TMIGD3: variants seen among roughly 807,000 people sequenced by gnomAD.
The protein encoded by TMIGD3 is transmembrane and immunoglobulin domain containing 3.
A neutral mutation model predicts 28.1 loss-of-function variants in TMIGD3; 21 were observed. The observed-to-expected ratio is 0.75, with a 90% CI of 0.53 to 1.08. The LOEUF is 1.08. Ranked by LOEUF, TMIGD3 falls within the 50% of genes least tolerant of loss-of-function variation. The pLI is 0.00. For missense variants in TMIGD3, 416 were observed against 435.6 expected, an observed-to-expected ratio of 0.96 and a Z score of 0.40; for synonymous variants, 151 against 162.1, an observed-to-expected ratio of 0.93 and a Z score of 0.52.
chr1:111,540,009 T>C (rs970547900), intron 1 of TMIGD3, among the ~76,000 whole-genome samples: 2 of 152,378 alleles, frequency 1.3e-5, no homozygotes, highest in East Asian at 1.9e-4. Context: ...CGATGCACCA[T>C]TACTTGAGAC....
chr1:111,542,563 A>T (rs1268750754), intron 1 of TMIGD3: 1 of 160,528 alleles, frequency 6.2e-6, no homozygotes, highest in East Asian at 1.8e-4. Context: ...AGCCAAAAGT[A>T]TGAATGCCCT....
chr1:111,527,194 TAG>T (rs1656296353), intron 1 of TMIGD3, among the ~76,000 whole-genome samples: 1 of 152,004 alleles, frequency 6.6e-6, no homozygotes, highest in African/African-American at 2.4e-5. Context: ...GTATTTTTAG[TAG>T]AGACAGGGTT....
At chr1:111,500,412 T>A (rs1324917527) in intron 1 of TMIGD3, 4 of 1,614,056 alleles carry the variant, frequency 2.5e-6, no homozygotes, top group Non-Finnish European at 3.4e-6. Flanking sequence ...CAAATTGGCA[T>A]GAAAGGAAGG....
Position 111,488,687 on chromosome 1 carries a change from C to A in TMIGD3, c.795G>T (p.Trp265Cys). 6.2e-7 allele frequency: 1 copy of A among 1,613,294 alleles called. No individual in the cohort carries two copies. Among genetic ancestry groups the A allele is most frequent in the Non-Finnish European group, 8.5e-7 (1 of 1,179,334 alleles). ...DDKGTLANDF[W>C]SGKDLSGNKT... ...AGGCAGGCTCCTTACCTTTCCCAGA[C>A]CAAAAGTCATTGGCCAGGGTTCCTT... The change falls in exon 3 of 6, where the codon TGG becomes TGT. Residue 265 changes from tryptophan to cysteine, a missense_variant. By Grantham distance (215) the Trp-to-Cys change is radical (BLOSUM62 -2). Transcript: ENST00000369716.
Position 111,490,752 on chromosome 1 carries a change from G to A in TMIGD3, c.361C>T (p.Pro121Ser), listed in dbSNP as rs1246004547. Residue 121 changes from proline to serine, a missense_variant, in exon 2 of 6, where the codon CCT becomes TCT. Pro to Ser is a moderately conservative substitution (Grantham distance 74, BLOSUM62 -1). Coordinates refer to ENST00000369716, the MANE Select transcript of TMIGD3 (RefSeq NM_020683.7). ...GATAGAATGCACCCAGGGAGCCCAGGAATTCTGAATCTGTTTAAGGGAAAC... is the reference window on the plus strand; with the variant it reads ...GATAGAATGCACCCAGGGAGCCCAGAAATTCTGAATCTGTTTAAGGGAAAC... ...RVKLTVRFRI[P>S]GLPGCILSFQ... 3 of 1,612,948 alleles carry A rather than the reference G, an allele frequency of 1.9e-6. No homozygotes were observed. The highest frequency in any genetic ancestry group is 4.5e-5 in the East Asian group (2 of 44,902).
At chr1:111,505,319 G>C (rs1347281467), upstream of TMIGD3, among the ~76,000 whole-genome samples, 2 of 152,118 alleles carry the variant, frequency 1.3e-5, no homozygotes, top group African/African-American at 4.8e-5. Flanking sequence ...CTGTAGGCAA[G>C]ATACCACATG....
chr1:111,531,107 G>A (rs1213123089), intron 1 of TMIGD3, among the ~76,000 whole-genome samples: 2 of 152,022 alleles, frequency 1.3e-5, no homozygotes, highest in East Asian at 1.9e-4. Context: ...GCAAAACTTC[G>A]TCTCTACAAA....
In TMIGD3 at chr1:111,522,752, G is replaced by A. The variant is rs1041784158; in HGVS notation, c.108-31990C>T. On this transcript the variant is annotated intron_variant, in intron 1 of 5. Transcript: ENST00000369717. ...AGGCTGGTCTCGAACTCCTGACCTC[G>A]TGATCTGCCCGCCTCGGCCTCTCAA... 4.6e-5 allele frequency among the ~76,000 whole-genome samples: 7 copies of A among 152,054 alleles called. No individual in the cohort carries two copies. The East Asian group carries it at 1.3e-3, about 29-fold the overall frequency.
rs1225544192 is a variant in TMIGD3 at position 111,483,736 on chromosome 1, A to G, written c.995T>C (p.Phe332Ser). The change falls in exon 6 of 6, where the codon TTC becomes TCC. Residue 332 changes from phenylalanine (F) to serine (S), a missense_variant. Physicochemically the swap from Phe to Ser is radical, Grantham distance 155. Transcript: ENST00000369716. ...NRRVGNTLKP[F>S]SRVLTPKEMA... ...TTCCTTTGGAGTCAGGACACGCGAGAAGGGCTTCAAAGTGTTGCCTACTTT... is the reference window on the plus strand; with the variant it reads ...TTCCTTTGGAGTCAGGACACGCGAGGAGGGCTTCAAAGTGTTGCCTACTTT... The G allele has an allele frequency of 1.2e-6, 2 of 1,614,054 alleles. No individual in the cohort carries two copies. Among genetic ancestry groups the G allele is most frequent in the Non-Finnish European group, 1.7e-6 (2 of 1,179,922 alleles).
At chr1:111,548,026 T>C (rs761563792) in intron 1 of TMIGD3, among the ~76,000 whole-genome samples, 1 of 152,200 alleles carries the variant, frequency 6.6e-6, no homozygotes, top group Admixed American at 6.5e-5. Flanking sequence ...GTTTGTTTGT[T>C]TGTTTGTCTT....
At chr1:111,500,634 G>T in intron 1 of TMIGD3, 3 of 1,393,428 alleles carry the variant, frequency 2.2e-6, no homozygotes, top group African/African-American at 1.4e-5. Context: ...GTAAAGGAGA[G>T]AGAGAGAGGT....
At chr1:111,510,114 T>A (rs566983968) in intron 1 of TMIGD3, among the ~76,000 whole-genome samples, 9 of 152,256 alleles carry the variant, frequency 5.9e-5, no homozygotes, top group Non-Finnish European at 1.2e-4. Context: ...CTGTGCATTC[T>A]GTGTCAATTG....
chr1:111,514,394 G>GA (rs1276227336), intron 1 of TMIGD3, among the ~76,000 whole-genome samples: 1 of 152,040 alleles, frequency 6.6e-6, no homozygotes, highest in Non-Finnish European at 1.5e-5. Context: ...AAAAAATTCA[G>GA]AAAAAATTAG....
intron 1 of TMIGD3, among the ~76,000 whole-genome samples, chr1:111,530,044 AG>A (rs1171820751): frequency 1.4e-5 from 2 of 145,740 alleles, no homozygotes; most frequent in East Asian, 4.3e-4. Context: ...GGCCGGGCAG[AG>A]GGGCTCCTCA....
intron 1 of TMIGD3, among the ~76,000 whole-genome samples, chr1:111,549,320 T>TTTTTC (rs1657161438): frequency 6.6e-6 from 1 of 151,776 alleles, no homozygotes; most frequent in African/African-American, 2.4e-5. Flanking sequence ...TTTTTTTTTT[T>TTTTTC]TTTTTCTTGT....
At chr1:111,538,863 C>T (rs1419727598) in intron 1 of TMIGD3, among the ~76,000 whole-genome samples, 2 of 152,152 alleles carry the variant, frequency 1.3e-5, no homozygotes, top group Admixed American at 6.5e-5. Flanking sequence ...AAAATAGATG[C>T]CCTGTATAGT....
rs113347667 is a variant in TMIGD3 at position 111,551,766 on chromosome 1, G to T, written c.107+12080C>A. Among the ~76,000 whole-genome samples, 29 of 149,240 alleles carry T rather than the reference G, an allele frequency of 1.9e-4. No individual in the cohort carries two copies. The South Asian group carries it at 3.4e-3, about 17-fold the overall frequency. ...TTTTGGTTTTGTTTTGTTTTGTTTT[G>T]TTTTTTTGAGATGGAGTCTTTACAG... On this transcript the variant is annotated intron_variant, in intron 1 of 5. Transcript: ENST00000369717.
intron 1 of TMIGD3, among the ~76,000 whole-genome samples, chr1:111,523,622 C>T (rs2101005928): frequency 6.6e-6 from 1 of 152,154 alleles, no homozygotes; most frequent in Non-Finnish European, 1.5e-5. Flanking sequence ...ACCAGTAAAA[C>T]TATATGGGCT....
At chr1:111,551,745 G>GGTTTT (rs1336198797) in intron 1 of TMIGD3, among the ~76,000 whole-genome samples, 6 of 84,244 alleles carry the variant, frequency 7.1e-5, no homozygotes, top group African/African-American at 1.9e-4. Flanking sequence ...TGTGGTTTTT[G>GGTTTT]GTTTTGTTTT....
Sources: gnomAD v4.1 joint callset for allele counts (sites outside exome capture counted in the v4.1 genomes callset) on GRCh38, gnomAD v4.1.1 for gene constraint, MANE v1.5 for transcripts, NCBI Gene and HGNC (gene_info 2026-07-23, HGNC 2026-07-21) for gene names.